The following REPS1 variants were observed in gnomAD, a reference collection of about 807,000 sequenced individuals.
The protein encoded by REPS1 is ralBP1-associated Eps domain-containing protein 1.
Under a neutral mutation model 100.9 loss-of-function variants are expected in REPS1, and 39 were observed. That is an observed-to-expected ratio of 0.39 (90% confidence interval 0.30 to 0.50). The LOEUF is 0.50. Ranked by LOEUF, REPS1 falls within the 20% of genes least tolerant of loss-of-function variation. The probability of loss-of-function intolerance (pLI) is 0.86; values close to 1 mark genes in which losing one functional copy is unlikely to be tolerated. For synonymous variants in REPS1, 324 were observed against 340.3 expected, an observed-to-expected ratio of 0.95 and a Z score of 0.53; for missense variants, 821 against 968.5, an observed-to-expected ratio of 0.85 and a Z score of 2.02.
At chr6:138,950,862 A>C (rs1372364227) in intron 1 of REPS1, among the ~76,000 whole-genome samples, 1 of 152,174 alleles carries the variant, frequency 6.6e-6, no homozygotes, top group Non-Finnish European at 1.5e-5. Context: ...ATTAAGCATG[A>C]TACTGGCTAA....
intron 10 of REPS1, among the ~76,000 whole-genome samples, chr6:138,921,976 AGTGT>A (rs71895504): frequency 9.9e-4 from 147 of 148,530 alleles, no homozygotes; most frequent in Admixed American, 1.7e-3. Context: ...CATCTCAAAA[AGTGT>A]GTGTGTGTGT....
intron 17 of REPS1, 129 bp downstream of exon 17, chr6:138,911,147 T>C: frequency 1.6e-6 from 1 of 638,410 alleles, no homozygotes; most frequent in Non-Finnish European, 2.8e-6. Context: ...TGTTCTGAGC[T>C]AGACTGACTA....
At chr6:138,981,213 T>G (rs2128513137) in intron 1 of REPS1, among the ~76,000 whole-genome samples, 1 of 152,320 alleles carries the variant, frequency 6.6e-6, no homozygotes, top group East Asian at 1.9e-4. Flanking sequence ...CTTCATTATT[T>G]AATGAGACAG....
intron 9 of REPS1, 51 bp downstream of exon 9, chr6:138,929,926 T>C: frequency 6.3e-7 from 1 of 1,595,662 alleles, no homozygotes; most frequent in Non-Finnish European, 8.6e-7. Context: ...TTGGAACATC[T>C]TACCTTAAAA....
chr6:138,946,173 A>C (rs890611661), intron 2 of REPS1, among the ~76,000 whole-genome samples: 10 of 152,204 alleles, frequency 6.6e-5, no homozygotes, highest in Admixed American at 2.0e-4. Context: ...TAGACCTCTA[A>C]GTAAAACACA....
At position 138,938,850 on chromosome 6, in the gene REPS1, A is replaced by AT. The variant is rs34695956; in HGVS notation, c.1135+2484dup. On this transcript the variant is annotated intron_variant, in intron 8 of 19. Coordinates refer to ENST00000450536, the MANE Select transcript of REPS1 (RefSeq NM_001286611.2). ...TTTTAAAAACACAGCTATTTTTATAATTTTTTTTTTTTTTTTAGATGGAGC... is the reference window on the plus strand; with the variant it reads ...TTTTAAAAACACAGCTATTTTTATAATTTTTTTTTTTTTTTTTAGATGGAGC... Among the ~76,000 whole-genome samples the AT allele has an allele frequency of 1.6e-3, 233 of 145,530 alleles. 2 individuals are homozygous for AT. The highest frequency in any genetic ancestry group is 6.9e-3 in the Middle Eastern group (2 of 290).
chr6:138,946,015 A>G (rs1365491101), intron 2 of REPS1, among the ~76,000 whole-genome samples: 2 of 152,212 alleles, frequency 1.3e-5, no homozygotes, highest in Non-Finnish European at 2.9e-5. Flanking sequence ...GTACCCCTGC[A>G]AAGCTCCTAT....
At chr6:138,928,501 A>C (rs1781282625) in intron 9 of REPS1, 1 of 152,178 alleles carries the variant, frequency 6.6e-6, no homozygotes, top group South Asian at 2.1e-4. Flanking sequence ...ATATCGAAAA[A>C]AAATTATGAC....
intron 1 of REPS1, among the ~76,000 whole-genome samples, chr6:138,973,335 T>G (rs1784433878): frequency 1.3e-5 from 2 of 152,152 alleles, no homozygotes; most frequent in South Asian, 4.1e-4. Context: ...TGATTCAGAT[T>G]TAGGTAAGTA....
At chr6:138,954,496 T>C (rs1405139926) in intron 1 of REPS1, among the ~76,000 whole-genome samples, 1 of 131,170 alleles carries the variant, frequency 7.6e-6, no homozygotes, top group East Asian at 2.4e-4. Flanking sequence ...CAATAGATGA[T>C]GAGCTTAAAA....
chr6:138,966,400 GAA>G (rs1178533713), intron 1 of REPS1, among the ~76,000 whole-genome samples: 9 of 152,104 alleles, frequency 5.9e-5, no homozygotes, highest in Non-Finnish European at 2.9e-5. Flanking sequence ...CACAGGGTGA[GAA>G]TGACAAAAAG....
At chr6:138,915,722 C>T (rs190226110) in intron 14 of REPS1, 136 bp downstream of exon 14, 14 of 641,726 alleles carry the variant, frequency 2.2e-5, no homozygotes, top group African/African-American at 1.9e-4. Flanking sequence ...GCTGGGATTA[C>T]AGGCATGAGC....
chr6:138,948,018 T>C (rs1782750722), intron 1 of REPS1, 105 bp from the exon 2 acceptor site: 15 of 1,024,046 alleles, frequency 1.5e-5, no homozygotes, highest in East Asian at 2.7e-5. Context: ...ATCTATCTAA[T>C]AGATGGTATA....
intron 8 of REPS1, among the ~76,000 whole-genome samples, chr6:138,939,232 C>A (rs1351922780): frequency 6.6e-6 from 1 of 152,034 alleles, no homozygotes; most frequent in African/African-American, 2.4e-5. Flanking sequence ...ACCGTGTGAT[C>A]CAAATGTTTA....
intron 2 of REPS1, among the ~76,000 whole-genome samples, chr6:138,946,068 C>T (rs937973014): frequency 2.0e-5 from 3 of 152,174 alleles, no homozygotes; most frequent in African/African-American, 7.2e-5. Context: ...CAAGGTCATG[C>T]TTGTAGTAAC....
Position 138,904,414 on chromosome 6 carries a change from G to C in REPS1, c.*650C>G, listed in dbSNP as rs1582683782. 2.0e-5 allele frequency: 3 copies of C among 152,332 alleles called. No homozygotes were observed. In the South Asian group the frequency reaches 6.2e-4, roughly 32 times the overall value. 9.4% of individuals were successfully genotyped at this position (152,332 alleles called of 1,614,324 possible). On this transcript the variant is annotated 3_prime_UTR_variant, in exon 20 of 20. Coordinates refer to ENST00000450536, the MANE Select transcript of REPS1 (RefSeq NM_001286611.2). ...TATTTCATAAGTTTACATGACTGCT[G>C]AATTATTGAATCTCATAAAATAGTT...
At chr6:138,917,676 T>C in intron 12 of REPS1, 49 bp from the exon 13 acceptor site, 1 of 1,472,704 alleles carries the variant, frequency 6.8e-7, no homozygotes, top group African/African-American at 1.4e-5. Context: ...TCTTTACTTT[T>C]TGCTCTATCT....
intron 19 of REPS1, among the ~76,000 whole-genome samples, chr6:138,905,360 C>T (rs1233484780): frequency 6.6e-6 from 1 of 152,206 alleles, no homozygotes; most frequent in Non-Finnish European, 1.5e-5. Context: ...GGCGCAATCT[C>T]GGCTCACTGC....
chr6:138,943,803 T>A lies in REPS1; in HGVS notation c.916+50A>T, dbSNP rs375697516. 3 of 1,455,886 alleles carry A rather than the reference T, an allele frequency of 2.1e-6. No homozygotes were observed. In the African/African-American group the frequency reaches 4.3e-5, roughly 21 times the overall value. 90.2% of individuals were successfully genotyped at this position (1,455,886 alleles called of 1,614,324 possible). A position where few individuals can be genotyped will look rare whatever the true frequency, so the allele number is the denominator to read the frequency against. On this transcript the variant is annotated intron_variant, in intron 6 of 19. Coordinates refer to ENST00000450536, the MANE Select transcript of REPS1 (RefSeq NM_001286611.2). ...AAACAATGTCTTTGATATTATGAAA[T>A]TGAGATTCTCCTGTCCCATCTAGAA... is the stretch of plus-strand genomic sequence containing the variant.
Sources: gnomAD v4.1 joint callset for allele counts (sites outside exome capture counted in the v4.1 genomes callset) on GRCh38, gnomAD v4.1.1 for gene constraint, MANE v1.5 for transcripts, NCBI Gene and HGNC (gene_info 2026-07-23, HGNC 2026-07-21) for gene names.